The following CAPZB variants were observed in gnomAD, a reference collection of about 807,000 sequenced individuals.
The protein encoded by CAPZB is capping actin protein of muscle Z-line subunit beta.
A neutral mutation model predicts 38.1 loss-of-function variants in CAPZB; 2 were observed. The ratio of observed to expected loss-of-function variants is 0.05; its 90% CI spans 0.02 to 0.17. The LOEUF (loss-of-function observed/expected upper bound fraction) is 0.17, where lower values mean the gene tolerates loss of function less well. Ranked by LOEUF, CAPZB falls within the 10% of genes least tolerant of loss-of-function variation. The probability of loss-of-function intolerance (pLI) is 1.00; values close to 1 mark genes in which losing one functional copy is unlikely to be tolerated. For synonymous variants in CAPZB, 107 were observed against 127.4 expected, an observed-to-expected ratio of 0.84 and a Z score of 1.08; for missense variants, 161 against 334.2, an observed-to-expected ratio of 0.48 and a Z score of 4.04.
At chr1:19,417,999 G>A (rs970824706) in intron 2 of CAPZB, among the ~76,000 whole-genome samples, 3 of 151,720 alleles carry the variant, frequency 2.0e-5, no homozygotes, top group South Asian at 2.1e-4. Context: ...AGCTGGGCAC[G>A]GTCGTGGGCG....
intron 2 of CAPZB, among the ~76,000 whole-genome samples, chr1:19,417,639 C>T: frequency 6.6e-6 from 1 of 152,192 alleles, no homozygotes; most frequent in East Asian, 1.9e-4. Context: ...ATTCTCACCA[C>T]ATCAAGTCCA....
intron 1 of CAPZB, among the ~76,000 whole-genome samples, chr1:19,469,203 G>A (rs958951345): frequency 5.9e-5 from 9 of 152,228 alleles, no homozygotes; most frequent in Middle Eastern, 3.2e-3. Flanking sequence ...ACACAGGCAG[G>A]AGGGAACAGG....
At chr1:19,420,027 GC>G (rs1274654883) in intron 1 of CAPZB, 9 of 402,222 alleles carry the variant, frequency 2.2e-5, no homozygotes, top group Admixed American at 1.7e-4. Flanking sequence ...TCCCTCACCG[GC>G]TCCCCTGCTC....
intron 1 of CAPZB, among the ~76,000 whole-genome samples, chr1:19,445,725 GAT>G (rs1273075294): frequency 1.3e-5 from 2 of 152,216 alleles, no homozygotes. Flanking sequence ...ACTGCAAATG[GAT>G]GCAGGAGGTG....
chr1:19,477,498 T>C (rs1477709718), intron 1 of CAPZB, among the ~76,000 whole-genome samples: 5 of 152,230 alleles, frequency 3.3e-5, no homozygotes, highest in Admixed American at 3.3e-4. Context: ...CAGAAGGATG[T>C]GGTGGATTAA....
intron 1 of CAPZB, among the ~76,000 whole-genome samples, chr1:19,485,025 G>C (rs943078904): frequency 6.6e-6 from 1 of 152,064 alleles, no homozygotes; most frequent in African/African-American, 2.4e-5. Flanking sequence ...GAGAAACGAC[G>C]GCCTAGCCTG....
At chr1:19,352,699 G>T (rs560682440) in intron 6 of CAPZB, among the ~76,000 whole-genome samples, 1 of 152,248 alleles carries the variant, frequency 6.6e-6, no homozygotes, top group African/African-American at 2.4e-5. Flanking sequence ...CCTTCACTCC[G>T]ACAGCCTCAC....
chr1:19,437,383 G>A (rs973942318), intron 1 of CAPZB, among the ~76,000 whole-genome samples: 2 of 152,114 alleles, frequency 1.3e-5, no homozygotes, highest in Admixed American at 1.3e-4. Context: ...ACCTACAAAC[G>A]AAAATCACAG....
At chr1:19,466,261 T>C (rs1454957416) in intron 1 of CAPZB, among the ~76,000 whole-genome samples, 3 of 152,218 alleles carry the variant, frequency 2.0e-5, no homozygotes, top group Non-Finnish European at 1.5e-5. Context: ...CAGAGCCAGA[T>C]GCATGGAGCT....
intron 1 of CAPZB, among the ~76,000 whole-genome samples, chr1:19,451,496 G>C (rs1474018133): frequency 6.6e-6 from 1 of 152,086 alleles, no homozygotes; most frequent in African/African-American, 2.4e-5. Flanking sequence ...ACGGTAATGG[G>C]TAAGATAATA....
intron 6 of CAPZB, among the ~76,000 whole-genome samples, chr1:19,353,283 G>C (rs1334620327): frequency 6.6e-6 from 1 of 152,164 alleles, no homozygotes; most frequent in Admixed American, 6.5e-5. Flanking sequence ...CGTGGGGCAA[G>C]GGCATGTGAG....
At chr1:19,470,723 A>G (rs898611886) in intron 1 of CAPZB, among the ~76,000 whole-genome samples, 1 of 152,250 alleles carries the variant, frequency 6.6e-6, no homozygotes. Flanking sequence ...AATTCAGAGC[A>G]GCTGGGTTCA....
intron 2 of CAPZB, among the ~76,000 whole-genome samples, chr1:19,417,607 C>CATCAA: frequency 6.6e-6 from 1 of 152,128 alleles, no homozygotes; most frequent in Non-Finnish European, 1.5e-5. Context: ...CAAGTTCAGC[C>CATCAA]GTCAGTGGGC....
At chr1:19,476,183 GATA>G (rs2094605896) in intron 1 of CAPZB, among the ~76,000 whole-genome samples, 1 of 111,930 alleles carries the variant, frequency 8.9e-6, no homozygotes, top group African/African-American at 4.9e-5. Flanking sequence ...TAGATAGATA[GATA>G]GATAGATAGA....
At chr1:19,484,637 C>T in intron 1 of CAPZB, 1 of 1,171,362 alleles carries the variant, frequency 8.5e-7, no homozygotes, top group Non-Finnish European at 1.1e-6. Context: ...CCAAAGGCTG[C>T]AAAGAAGGCG....
chr1:19,445,281 T>C (rs940427644), intron 1 of CAPZB, among the ~76,000 whole-genome samples: 2 of 152,124 alleles, frequency 1.3e-5, no homozygotes, highest in African/African-American at 4.8e-5. Context: ...CAGAGCCATA[T>C]TTTAAAAATG....
intron 2 of CAPZB, among the ~76,000 whole-genome samples, chr1:19,388,385 G>A (rs894609579): frequency 3.3e-5 from 5 of 152,124 alleles, no homozygotes; most frequent in African/African-American, 9.7e-5. Flanking sequence ...TTGGGAGGAA[G>A]GAAAGAAAGG....
At chr1:19,358,122 G>A (rs1402502693) in intron 4 of CAPZB, among the ~76,000 whole-genome samples, 1 of 152,092 alleles carries the variant, frequency 6.6e-6, no homozygotes, top group Non-Finnish European at 1.5e-5. Context: ...CAAATCCGAC[G>A]CAATGCAAAA....
At chr1:19,464,168 C>G (rs2094561432) in intron 1 of CAPZB, among the ~76,000 whole-genome samples, 1 of 145,598 alleles carries the variant, frequency 6.9e-6, no homozygotes, top group Admixed American at 7.1e-5. Context: ...GCCTGGGCAA[C>G]AGAGCAAGAC....
Sources: allele counts gnomAD v4.1 joint callset (sites outside exome capture counted in the v4.1 genomes callset), GRCh38; gene constraint gnomAD v4.1.1; transcripts MANE v1.5; gene names NCBI Gene and HGNC (gene_info 2026-07-23, HGNC 2026-07-21).